Variants in MARCHF3 observed in about 807,000 individuals in gnomAD.
MARCHF3 encodes the protein E3 ubiquitin-protein ligase MARCHF3.
MARCHF3 carries 13 observed loss-of-function variants against 24.2 expected under a neutral mutation model. The ratio of observed to expected loss-of-function variants is 0.54; its 90% confidence interval spans 0.35 to 0.85. The LOEUF (loss-of-function observed/expected upper bound fraction) is 0.85. Among genes scored for constraint, MARCHF3 ranks in the 40% least tolerant of loss-of-function variants. MARCHF3 has a pLI of 0.01. For missense variants in MARCHF3, 276 were observed against 325.0 expected, an observed-to-expected ratio of 0.85 and a Z score of 1.16; for synonymous variants, 144 against 137.3, an observed-to-expected ratio of 1.05 and a Z score of -0.34.
intron 3 of MARCHF3, among the ~76,000 whole-genome samples, chr5:126,885,527 ATTG>A (rs1304851530): frequency 6.7e-6 from 1 of 148,372 alleles, no homozygotes; most frequent in East Asian, 2.2e-4. Context: ...AGATTGTGCC[ATTG>A]CATTCCAGCC....
intron 3 of MARCHF3, among the ~76,000 whole-genome samples, chr5:126,908,548 C>T (rs1754387692): frequency 6.6e-6 from 1 of 152,072 alleles, no homozygotes; most frequent in Non-Finnish European, 1.5e-5. Context: ...CTAAACTTCC[C>T]TTCTTGCTTC....
At chr5:126,976,164 G>C (rs1751188644) in intron 1 of MARCHF3, among the ~76,000 whole-genome samples, 1 of 152,064 alleles carries the variant, frequency 6.6e-6, no homozygotes, top group Non-Finnish European at 1.5e-5. Context: ...CATTCTTTTT[G>C]TTAATCTTTT....
At chr5:126,957,359 CAT>C (rs1298200359) in intron 1 of MARCHF3, among the ~76,000 whole-genome samples, 1 of 152,156 alleles carries the variant, frequency 6.6e-6, no homozygotes, top group African/African-American at 2.4e-5. Context: ...CTATTTGACA[CAT>C]AAGCTTTAGA....
chr5:126,894,073 T>C (rs1181690114), intron 3 of MARCHF3, among the ~76,000 whole-genome samples: 1 of 142,396 alleles, frequency 7.0e-6, no homozygotes, highest in Non-Finnish European at 1.5e-5. Context: ...TTGATCTTTG[T>C]TGGTTTAAAG....
At chr5:126,894,560 T>A (rs1561781803) in intron 3 of MARCHF3, among the ~76,000 whole-genome samples, 1 of 152,028 alleles carries the variant, frequency 6.6e-6, no homozygotes, top group Non-Finnish European at 1.5e-5. Flanking sequence ...TTAGTTTGGC[T>A]GGATATGAAA....
intron 3 of MARCHF3, among the ~76,000 whole-genome samples, chr5:126,894,103 G>C (rs1255647444): frequency 2.1e-5 from 3 of 140,836 alleles, no homozygotes; most frequent in Non-Finnish European, 3.0e-5. Context: ...TCAGAGACTA[G>C]GATTGCAACC....
At chr5:126,992,766 A>ATTTTTTTTTTT (rs757479478) in intron 1 of MARCHF3, among the ~76,000 whole-genome samples, 1 of 95,522 alleles carries the variant, frequency 1.0e-5, no homozygotes, top group African/African-American at 4.2e-5. Context: ...CATCCACGTG[A>ATTTTTTTTTTT]TTTTTTTTTT....
intron 1 of MARCHF3, among the ~76,000 whole-genome samples, chr5:126,973,836 C>T (rs1751099881): frequency 6.8e-6 from 1 of 147,940 alleles, no homozygotes; most frequent in South Asian, 2.1e-4. Flanking sequence ...ACTGAAGGAT[C>T]TGTAAGAGGA....
intron 4 of MARCHF3, among the ~76,000 whole-genome samples, chr5:126,872,861 T>C (rs879069563): frequency 6.6e-6 from 1 of 152,192 alleles, no homozygotes; most frequent in Non-Finnish European, 1.5e-5. Context: ...TTGGTTTTTT[T>C]TTCAAGTGTG....
At chr5:126,877,693 G>A (rs1272211374) in intron 4 of MARCHF3, among the ~76,000 whole-genome samples, 1 of 152,176 alleles carries the variant, frequency 6.6e-6, no homozygotes, top group African/African-American at 2.4e-5. Context: ...ACCAGGCAAA[G>A]TGCGGCTCCA....
intron 1 of MARCHF3, among the ~76,000 whole-genome samples, chr5:126,920,208 T>C (rs757863689): frequency 6.7e-6 from 1 of 150,018 alleles, no homozygotes; most frequent in Non-Finnish European, 1.5e-5. Context: ...CAGGGTGCAG[T>C]TGATTTGTGA....
At chr5:126,924,301 G>A in intron 1 of MARCHF3, among the ~76,000 whole-genome samples, 1 of 152,166 alleles carries the variant, frequency 6.6e-6, no homozygotes, top group Admixed American at 6.5e-5. Context: ...ATCTGCTTCA[G>A]AAAGGATTTT....
chr5:126,874,887 T>C (rs1753097315), intron 4 of MARCHF3, among the ~76,000 whole-genome samples: 1 of 152,174 alleles, frequency 6.6e-6, no homozygotes, highest in African/African-American at 2.4e-5. Context: ...CAGCGTTCCA[T>C]TGGCAGTTCC....
At chr5:126,915,215 T>C in intron 2 of MARCHF3, 81 bp from the exon 3 acceptor site, 2 of 1,405,472 alleles carry the variant, frequency 1.4e-6, no homozygotes, top group Non-Finnish European at 2.0e-6. Flanking sequence ...TCTTGTCCTT[T>C]GGGCCCTCCC....
intron 1 of MARCHF3, among the ~76,000 whole-genome samples, chr5:126,947,064 TTTTTCC>T (rs1430736480): frequency 1.3e-5 from 2 of 152,220 alleles, no homozygotes; most frequent in Admixed American, 6.5e-5. Context: ...TTGGCATTTC[TTTTTCC>T]TTTTCAATTT....
At position 126,931,824 on chromosome 5, in the gene MARCHF3, A is replaced by T. The variant is rs147584010; in HGVS notation, c.-56-13597T>A. 7.1e-3 allele frequency among the ~76,000 whole-genome samples: 1,074 copies of T among 152,232 alleles called. 26 individuals carry two copies. Among genetic ancestry groups the T allele is most frequent in the Middle Eastern group, 6.8e-3 (2 of 294 alleles). On this transcript the variant is annotated intron_variant, in intron 1 of 4. Transcript: ENST00000308660. ...AGAAATCACTAGCCTCACCAGTAAA[A>T]ACTGTTAACAATTTTCTTTTTAAAA... is the stretch of plus-strand genomic sequence containing the variant.
chr5:126,917,333 T>C (rs1427273947), intron 2 of MARCHF3, among the ~76,000 whole-genome samples: 1 of 152,072 alleles, frequency 6.6e-6, no homozygotes, highest in Non-Finnish European at 1.5e-5. Flanking sequence ...GGATAAGTGG[T>C]CTCCAAGCTG....
chr5:126,888,049 A>G (rs1332553102), intron 3 of MARCHF3, among the ~76,000 whole-genome samples: 1 of 152,206 alleles, frequency 6.6e-6, no homozygotes, highest in Non-Finnish European at 1.5e-5. Context: ...TTAAATATCT[A>G]ATTTGTGCTT....
intron 3 of MARCHF3, among the ~76,000 whole-genome samples, chr5:126,885,557 T>C (rs1753486550): frequency 6.6e-6 from 1 of 151,936 alleles, no homozygotes; most frequent in African/African-American, 2.4e-5. Context: ...ACAAGAGTGT[T>C]GATTTAAAAA....
Sources: allele counts gnomAD v4.1 joint callset (sites outside exome capture counted in the v4.1 genomes callset), GRCh38; gene constraint gnomAD v4.1.1; transcripts MANE v1.5; gene names NCBI Gene and HGNC (gene_info 2026-07-23, HGNC 2026-07-21).